GRIK1: variants seen among roughly 807,000 people sequenced by gnomAD.
GRIK1 encodes the protein glutamate receptor ionotropic, kainate 1.
A neutral mutation model predicts 105.7 loss-of-function variants in GRIK1; 69 were observed. The observed-to-expected ratio is 0.65, with a 90% confidence interval of 0.54 to 0.80. The LOEUF is 0.80. Among genes scored for constraint, GRIK1 ranks in the 30% least tolerant of loss-of-function variants. The pLI is 0.00. For missense variants in GRIK1, 1,109 were observed against 1,167.3 expected (o/e 0.95, Z 0.73); for synonymous variants, 438 against 431.3 (o/e 1.02, Z -0.19).
intron 1 of GRIK1, among the ~76,000 whole-genome samples, chr21:29,795,517 C>A (rs1349475593): frequency 6.6e-6 from 1 of 152,178 alleles, no homozygotes; most frequent in Admixed American, 6.6e-5. Flanking sequence ...CAAGTATTCT[C>A]ATTTTCTCCA....
At chr21:29,906,162 A>C (rs187266338) in intron 1 of GRIK1, among the ~76,000 whole-genome samples, 4 of 152,324 alleles carry the variant, frequency 2.6e-5, no homozygotes, top group African/African-American at 4.8e-5. Context: ...GGTGTTAGAA[A>C]AGGAAAATAA....
rs141276419 is a variant in GRIK1, at chr21:29,610,641, T to C, written c.1099-11704A>G. Among the ~76,000 whole-genome samples the C allele has an allele frequency of 3.3e-5, 5 of 152,244 alleles. No individual in the cohort carries two copies. The East Asian group carries it at 9.7e-4, about 29-fold the overall frequency. On this transcript the variant is annotated intron_variant, in intron 7 of 17. Coordinates refer to ENST00000327783, the MANE Select transcript of GRIK1 (RefSeq NM_001330994.2). The stretch of plus-strand genomic sequence containing the variant: ...CCAGAAAGAATCGGCCTTACCAACA[T>C]CTTGACTTTAGCCCAATGAGACTTG...
In GRIK1 at chr21:29,774,734, G is replaced by A. The variant is rs186348872; in HGVS notation, c.119-80671C>T. The stretch of plus-strand genomic sequence containing the variant: ...CAAAGTGTTGGGATTACAGGCGTGA[G>A]CCACTGCATCAAGTGCTGTTTCTTT... On this transcript the variant is annotated intron_variant, in intron 1 of 17. Coordinates refer to ENST00000327783, the MANE Select transcript of GRIK1 (RefSeq NM_001330994.2). Among the ~76,000 whole-genome samples the A allele has an allele frequency of 6.6e-4, 100 of 152,104 alleles. 2 individuals carry two copies. In the East Asian group the frequency reaches 0.016, roughly 24 times the overall value.
intron 7 of GRIK1, among the ~76,000 whole-genome samples, chr21:29,630,159 A>G (rs1055282395): frequency 6.6e-6 from 1 of 152,220 alleles, no homozygotes; most frequent in Non-Finnish European, 1.5e-5. Context: ...AGAGAAGCCA[A>G]TAGGAGGTAG....
At chr21:29,778,258 G>A (rs1469518962) in intron 1 of GRIK1, among the ~76,000 whole-genome samples, 1 of 152,206 alleles carries the variant, frequency 6.6e-6, no homozygotes, top group East Asian at 1.9e-4. Flanking sequence ...AGATGAGAGA[G>A]AAAACCAAGG....
At chr21:29,717,974 T>C (rs2064220052) in intron 1 of GRIK1, among the ~76,000 whole-genome samples, 1 of 152,130 alleles carries the variant, frequency 6.6e-6, no homozygotes, top group African/African-American at 2.4e-5. Context: ...GCTGTTATCA[T>C]GTTAGTGAGT....
intron 15 of GRIK1, among the ~76,000 whole-genome samples, chr21:29,560,354 TCTTTTTCTTTCTTCCTTCCTTCCTTC>T (rs2090388070): frequency 1.1e-4 from 11 of 103,352 alleles, no homozygotes; most frequent in South Asian, 6.3e-4. Context: ...TTTCTTTCTT[TCTTTTTCTTTCTTCCTTCCTTCCTTC>T]CTTCCTTCCT....
intron 3 of GRIK1, among the ~76,000 whole-genome samples, chr21:29,688,876 A>G (rs1601456059): frequency 6.6e-6 from 1 of 152,150 alleles, no homozygotes; most frequent in African/African-American, 2.4e-5. Flanking sequence ...TCAGGAGAAC[A>G]TGGGGATATT....
chr21:29,766,935 T>A (rs909330835), intron 1 of GRIK1, among the ~76,000 whole-genome samples: 1 of 152,212 alleles, frequency 6.6e-6, no homozygotes, highest in Non-Finnish European at 1.5e-5. Flanking sequence ...GTTATGGGAT[T>A]GTTTCCCAAA....
intron 5 of GRIK1, among the ~76,000 whole-genome samples, chr21:29,654,138 A>G (rs1178505250): frequency 1.3e-5 from 2 of 152,156 alleles, no homozygotes; most frequent in African/African-American, 4.8e-5. Flanking sequence ...GTGAGTGTGT[A>G]GGTGGGGAGG....
intron 1 of GRIK1, among the ~76,000 whole-genome samples, chr21:29,862,125 T>C (rs767634394): frequency 3.3e-5 from 5 of 152,176 alleles, no homozygotes; most frequent in African/African-American, 1.2e-4. Context: ...TAGCTGGGAC[T>C]ACAGGTGTGC....
At chr21:29,561,516 A>G in intron 15 of GRIK1, 108 bp downstream of exon 15, 9 of 685,322 alleles carry the variant, frequency 1.3e-5, no homozygotes, top group Non-Finnish European at 1.9e-5. Context: ...CACTAATGGC[A>G]TTGTAGGCCT....
At chr21:29,749,889 C>T (rs995661524) in intron 1 of GRIK1, among the ~76,000 whole-genome samples, 3 of 152,156 alleles carry the variant, frequency 2.0e-5, no homozygotes, top group African/African-American at 7.2e-5. Flanking sequence ...AAAAGACAGT[C>T]TGTTTATGAA....
At chr21:29,808,526 A>G (rs749760632) in intron 1 of GRIK1, among the ~76,000 whole-genome samples, 3 of 152,188 alleles carry the variant, frequency 2.0e-5, no homozygotes, top group African/African-American at 4.8e-5. Context: ...CAGGACATTC[A>G]AAGAAAGGAC....
intron 12 of GRIK1, among the ~76,000 whole-genome samples, chr21:29,583,709 A>T (rs1717137898): frequency 6.6e-6 from 1 of 152,164 alleles, no homozygotes; most frequent in Non-Finnish European, 1.5e-5. Flanking sequence ...TCTCTCTGGG[A>T]TTCTGAGTGA....
At chr21:29,889,474 C>T (rs552870657) in intron 1 of GRIK1, among the ~76,000 whole-genome samples, 6 of 152,046 alleles carry the variant, frequency 3.9e-5, no homozygotes, top group South Asian at 2.1e-4. Flanking sequence ...GAACATTTTG[C>T]GTTTCAATTT....
At chr21:29,821,758 A>G (rs937415383) in intron 1 of GRIK1, among the ~76,000 whole-genome samples, 1 of 152,022 alleles carries the variant, frequency 6.6e-6, no homozygotes, top group Admixed American at 6.6e-5. Context: ...TGGTTGTGTA[A>G]GTTTTTATAA....
intron 3 of GRIK1, among the ~76,000 whole-genome samples, chr21:29,677,701 C>T (rs1395740031): frequency 6.6e-6 from 1 of 152,146 alleles, no homozygotes; most frequent in Non-Finnish European, 1.5e-5. Flanking sequence ...TGCTCCATGC[C>T]TTATAAATAG....
intron 15 of GRIK1, among the ~76,000 whole-genome samples, chr21:29,560,358 T>TCTTC (rs2090390399): frequency 2.3e-5 from 1 of 44,244 alleles, no homozygotes; most frequent in Admixed American, 2.6e-4. Flanking sequence ...TTTCTTTCTT[T>TCTTC]TTCTTTCTTC....
Sources: allele counts gnomAD v4.1 joint callset (sites outside exome capture counted in the v4.1 genomes callset), GRCh38; gene constraint gnomAD v4.1.1; transcripts MANE v1.5; gene names NCBI Gene and HGNC (gene_info 2026-07-23, HGNC 2026-07-21).